Variants in SIPA1L1 observed in about 807,000 individuals in gnomAD.
The protein encoded by SIPA1L1 is signal induced proliferation associated 1 like 1.
Under a neutral mutation model 162.7 loss-of-function variants are expected in SIPA1L1, and 26 were observed. The ratio of observed to expected loss-of-function variants is 0.16; its 90% CI spans 0.12 to 0.22. The LOEUF (loss-of-function observed/expected upper bound fraction) is 0.22. Among genes scored for constraint, SIPA1L1 ranks in the 10% least tolerant of loss-of-function variants. The pLI is 1.00. For missense variants in SIPA1L1, 1,874 were observed against 2,241.0 expected, an observed-to-expected ratio of 0.84 and a Z score of 3.31; for synonymous variants, 829 against 837.4, an observed-to-expected ratio of 0.99 and a Z score of 0.17.
At position 71,650,414 on chromosome 14, in the gene SIPA1L1, C is replaced by T; in HGVS notation, c.1898C>T (p.Ser633Leu). The change falls in exon 8 of 24, where the codon TCA (serine) becomes TTA (leucine). Residue 633 changes from serine (S) to leucine (L), a missense_variant. By Grantham distance (145) the Ser-to-Leu change is moderately radical. Coordinates refer to ENST00000381232, the MANE Select transcript of SIPA1L1 (RefSeq NM_001386936.1). ...GAAGAAGAGATGTACAACAATGAGTCAGCTGGCCCAGCCTTTGAAGAATTT... is the reference window on the plus strand; with the variant it reads ...GAAGAAGAGATGTACAACAATGAGTTAGCTGGCCCAGCCTTTGAAGAATTT... ...STEEEMYNNESAGPAFEEFLQ... is the reference protein window; with the variant it reads ...STEEEMYNNELAGPAFEEFLQ... The T allele has an allele frequency of 6.2e-7, 1 of 1,614,150 alleles. No homozygotes were observed. Among genetic ancestry groups the T allele is most frequent in the Non-Finnish European group, 8.5e-7 (1 of 1,179,960 alleles).
At chr14:71,561,406 C>T (rs762651024) in intron 4 of SIPA1L1, among the ~76,000 whole-genome samples, 6 of 152,100 alleles carry the variant, frequency 3.9e-5, no homozygotes, top group Admixed American at 1.3e-4. Flanking sequence ...TTTAGCTGAT[C>T]GCAATCCAAT....
At chr14:71,415,577 AGTGCCCT>A (rs1336855526) in intron 2 of SIPA1L1, among the ~76,000 whole-genome samples, 1 of 152,146 alleles carries the variant, frequency 6.6e-6, no homozygotes, top group African/African-American at 2.4e-5. Flanking sequence ...CATATTATTG[AGTGCCCT>A]GTGATTTTTA....
chr14:71,714,298 T>C (rs572016330), intron 17 of SIPA1L1, among the ~76,000 whole-genome samples: 1 of 152,296 alleles, frequency 6.6e-6, no homozygotes, highest in Non-Finnish European at 1.5e-5. Context: ...AAGTGAACCT[T>C]GAGAAAATGA....
chr14:71,354,339 G>T (rs903837551), intron 2 of SIPA1L1, among the ~76,000 whole-genome samples: 1 of 150,896 alleles, frequency 6.6e-6, no homozygotes, highest in Non-Finnish European at 1.5e-5. Flanking sequence ...GAGTGCAGTG[G>T]CCATCTTGGC....
At chr14:71,394,610 A>G (rs1364894597) in intron 2 of SIPA1L1, among the ~76,000 whole-genome samples, 1 of 152,236 alleles carries the variant, frequency 6.6e-6, no homozygotes, top group African/African-American at 2.4e-5. Flanking sequence ...TCAGCAGTGA[A>G]TAAAATGACC....
At chr14:71,576,371 A>G (rs1031548148) in intron 4 of SIPA1L1, among the ~76,000 whole-genome samples, 1 of 152,218 alleles carries the variant, frequency 6.6e-6, no homozygotes, top group Non-Finnish European at 1.5e-5. Context: ...TAGTGAGATA[A>G]TGAGCAGTGC....
intron 2 of SIPA1L1, among the ~76,000 whole-genome samples, chr14:71,421,613 A>G (rs2043192703): frequency 6.6e-6 from 1 of 152,120 alleles, no homozygotes; most frequent in South Asian, 2.1e-4. Flanking sequence ...ATTATAAAAT[A>G]AAATAATAAA....
chr14:71,683,375 C>T (rs61994385), intron 12 of SIPA1L1, among the ~76,000 whole-genome samples: 1 of 152,254 alleles, frequency 6.6e-6, no homozygotes, highest in East Asian at 1.9e-4. Flanking sequence ...CAAGTTAGAA[C>T]AAGAGCATTG....
intron 2 of SIPA1L1, among the ~76,000 whole-genome samples, chr14:71,467,551 T>A (rs1403430928): frequency 2.6e-5 from 4 of 152,096 alleles, no homozygotes; most frequent in Non-Finnish European, 4.4e-5. Flanking sequence ...TTTAAAAACG[T>A]AATTGTGGTT....
At chr14:71,541,909 C>T (rs1389931928) in intron 4 of SIPA1L1, among the ~76,000 whole-genome samples, 3 of 152,044 alleles carry the variant, frequency 2.0e-5, no homozygotes, top group Non-Finnish European at 4.4e-5. Flanking sequence ...CTCAAGGCTC[C>T]CCATTCCATA....
chr14:71,410,501 C>T (rs2042325748), intron 2 of SIPA1L1, among the ~76,000 whole-genome samples: 1 of 152,118 alleles, frequency 6.6e-6, no homozygotes, highest in Non-Finnish European at 1.5e-5. Context: ...ATCCAAAATG[C>T]TTGGGACCGG....
chr14:71,666,064 A>G (rs561228599), intron 10 of SIPA1L1, among the ~76,000 whole-genome samples: 1 of 152,310 alleles, frequency 6.6e-6, no homozygotes, highest in South Asian at 2.1e-4. Flanking sequence ...TTCAACAACT[A>G]CAGAATTAAT....
At chr14:71,727,989 G>C (rs1430152766) in intron 19 of SIPA1L1, among the ~76,000 whole-genome samples, 1 of 152,192 alleles carries the variant, frequency 6.6e-6, no homozygotes, top group African/African-American at 2.4e-5. Flanking sequence ...CTTCAAGGTA[G>C]CTGTTCATGG....
chr14:71,590,020 GTAA>G (rs2035072065), intron 5 of SIPA1L1, among the ~76,000 whole-genome samples: 2 of 29,264 alleles, frequency 6.8e-5, no homozygotes, highest in African/African-American at 3.7e-4. Context: ...GAGTGGGAGA[GTAA>G]AAAAAAAAAA....
chr14:71,552,878 G>T (rs2055993282), intron 4 of SIPA1L1, among the ~76,000 whole-genome samples: 1 of 152,100 alleles, frequency 6.6e-6, no homozygotes, highest in South Asian at 2.1e-4. Flanking sequence ...TTTCAGTGTC[G>T]AAAGTATTTC....
At chr14:71,458,602 A>C (rs2046354467) in intron 2 of SIPA1L1, among the ~76,000 whole-genome samples, 1 of 152,168 alleles carries the variant, frequency 6.6e-6, no homozygotes, top group African/African-American at 2.4e-5. Flanking sequence ...GTGGAAGTAA[A>C]ATGAATTGAT....
intron 3 of SIPA1L1, among the ~76,000 whole-genome samples, chr14:71,515,204 A>C (rs886475399): frequency 4.6e-5 from 7 of 152,240 alleles, no homozygotes; most frequent in Non-Finnish European, 8.8e-5. Context: ...TAGAGAGGAA[A>C]GCAAACATTG....
intron 5 of SIPA1L1, among the ~76,000 whole-genome samples, chr14:71,609,553 G>A (rs981524156): frequency 4.6e-5 from 7 of 151,564 alleles, no homozygotes; most frequent in African/African-American, 7.3e-5. Context: ...TGCCACCTCC[G>A]CCTCCTGGGT....
At chr14:71,337,440 C>A (rs940186397) in intron 2 of SIPA1L1, among the ~76,000 whole-genome samples, 1 of 152,184 alleles carries the variant, frequency 6.6e-6, no homozygotes, top group Non-Finnish European at 1.5e-5. Context: ...CACAGTTCCA[C>A]ATGGCTGGGG....
Sources: gnomAD v4.1 joint callset for allele counts (sites outside exome capture counted in the v4.1 genomes callset) on GRCh38, gnomAD v4.1.1 for gene constraint, MANE v1.5 for transcripts, NCBI Gene and HGNC (gene_info 2026-07-23, HGNC 2026-07-21) for gene names.